CFLAR: variants seen among roughly 807,000 people sequenced by gnomAD.
The protein encoded by CFLAR is CASP8 and FADD-like apoptosis regulator.
A neutral mutation model predicts 51.1 loss-of-function variants in CFLAR; 14 were observed. The observed-to-expected ratio is 0.27, with a 90% CI of 0.18 to 0.43. The LOEUF is 0.43. Among genes scored for constraint, CFLAR ranks in the 20% least tolerant of loss-of-function variants. The probability of loss-of-function intolerance (pLI) is 1.00; values close to 1 mark genes in which losing one functional copy is unlikely to be tolerated. For missense variants in CFLAR, 390 were observed against 566.5 expected, an observed-to-expected ratio of 0.69 and a Z score of 3.16; for synonymous variants, 210 against 211.6, an observed-to-expected ratio of 0.99 and a Z score of 0.06.
At chr2:201,137,160 C>G (rs1290310394) in intron 4 of CFLAR, 1 of 188,798 alleles carries the variant, frequency 5.3e-6, no homozygotes, top group African/African-American at 2.4e-5. Flanking sequence ...GGGCTGGGGA[C>G]AGGGAGGTGC....
chr2:201,128,851 A>G (rs1444616292), intron 1 of CFLAR, among the ~76,000 whole-genome samples: 1 of 152,250 alleles, frequency 6.6e-6, no homozygotes, highest in Middle Eastern at 3.2e-3. Context: ...GAAAGAAAAT[A>G]GGATGAGTTT....
intron 1 of CFLAR, among the ~76,000 whole-genome samples, chr2:201,125,231 A>G (rs2048567263): frequency 6.6e-6 from 1 of 152,072 alleles, no homozygotes; most frequent in South Asian, 2.1e-4. Context: ...GTGGCTGTGT[A>G]GAGGAGATGG....
At chr2:201,152,623 C>T (rs1193900173) in intron 8 of CFLAR, among the ~76,000 whole-genome samples, 1 of 152,188 alleles carries the variant, frequency 6.6e-6, no homozygotes, top group Non-Finnish European at 1.5e-5. Flanking sequence ...GGCACTGAGG[C>T]CTGCCCTAGG....
intron 4 of CFLAR, chr2:201,136,500 T>TA: frequency 3.8e-6 from 6 of 1,578,542 alleles, no homozygotes; most frequent in Non-Finnish European, 5.1e-6. Flanking sequence ...TTGGGTCTCA[T>TA]ACCTTCCTTG....
Position 201,160,795 on chromosome 2 carries a change from A to G in CFLAR, c.1157A>G (p.Lys386Arg), listed in dbSNP as rs1313510351. ...DGPAMKNVEFKAQKRGLCTVH... is the reference protein window; with the variant it reads ...DGPAMKNVEFRAQKRGLCTVH... ...CCAGCGATGAAGAATGTGGAATTCA[A>G]GGCTCAGAAGCGAGGGCTGTGCACA... The change falls in exon 9 of 10, where the codon AAG (lysine) becomes AGG (arginine). Residue 386 changes from lysine to arginine, a missense_variant. By Grantham distance (26) the Lys-to-Arg change is conservative. Coordinates refer to ENST00000309955, the MANE Select transcript of CFLAR (RefSeq NM_003879.7). 1.2e-6 allele frequency: 2 copies of G among 1,614,126 alleles called. No homozygotes were observed. Among genetic ancestry groups the G allele is most frequent in the East Asian group, 2.2e-5 (1 of 44,882 alleles).
intron 5 of CFLAR, 27 bp from the exon 6 acceptor site, chr2:201,145,351 G>A (rs1174148845): frequency 2.8e-6 from 4 of 1,439,346 alleles, no homozygotes; most frequent in East Asian, 4.5e-5. Flanking sequence ...CTAACAGGAA[G>A]TATGACCTTA....
chr2:201,133,150 T>C lies in CFLAR; in HGVS notation c.387+16T>C. ...CAAGGAGAAGGTGAGTTTTCTTCTT[T>C]TGGTTCATGGCCCCAGGAGCCTATC... On this transcript the variant is annotated intron_variant, in intron 3 of 9. Coordinates refer to ENST00000309955, the MANE Select transcript of CFLAR (RefSeq NM_003879.7). 6.3e-7 allele frequency: 1 copy of C among 1,598,716 alleles called. No individual in the cohort carries two copies. Among genetic ancestry groups the C allele is most frequent in the Non-Finnish European group, 8.6e-7 (1 of 1,166,674 alleles).
chr2:201,155,241 C>T (rs903454363), intron 8 of CFLAR, among the ~76,000 whole-genome samples: 27 of 151,480 alleles, frequency 1.8e-4, no homozygotes, highest in Non-Finnish European at 3.5e-4. Flanking sequence ...AAATAAAAGA[C>T]GATGTTTGCA....
At chr2:201,162,276 G>A (rs113482206) in intron 9 of CFLAR, among the ~76,000 whole-genome samples, 2,370 of 151,486 alleles carry the variant, frequency 0.016, 71 homozygotes, top group African/African-American at 0.054. Context: ...GCTAATTTTT[G>A]TATTTTTAGT....
intron 8 of CFLAR, among the ~76,000 whole-genome samples, chr2:201,158,933 A>G (rs1364208471): frequency 1.3e-5 from 2 of 151,550 alleles, no homozygotes; most frequent in African/African-American, 2.4e-5. Context: ...GCTGGAGTGC[A>G]GTGGCGCAAT....
At position 201,129,737 on chromosome 2, in the gene CFLAR, C is replaced by T. The variant is rs944443845; in HGVS notation, c.-129C>T. On this transcript the variant is annotated 5_prime_UTR_variant, in exon 2 of 10. Coordinates refer to ENST00000309955, the MANE Select transcript of CFLAR (RefSeq NM_003879.7). The stretch of plus-strand genomic sequence containing the variant: ...TTCCCTTTTAACCACAGAACTCCCC[C>T]ACTGGAAAGGATTCTGAAAGAAATG... The T allele has an allele frequency of 8.4e-6, 7 of 838,086 alleles. No homozygotes were observed. The African/African-American group carries it at 1.0e-4, about 12-fold the overall frequency. 51.9% of individuals were successfully genotyped at this position (838,086 alleles called of 1,614,324 possible). A position where few individuals can be genotyped will look rare whatever the true frequency, so the allele number is the denominator to read the frequency against.
rs118157939 is a variant in CFLAR at position 201,154,874 on chromosome 2, A to G, written c.793+5039A>G. On this transcript the variant is annotated intron_variant, in intron 8 of 9. Transcript: ENST00000309955. ...CCTGTGTGAAGCAAATATTAAGGCA[A>G]TGAGGTGGAGTCTGATCTCAGAGCT... is the stretch of plus-strand genomic sequence containing the variant. 4.7e-4 allele frequency among the ~76,000 whole-genome samples: 71 copies of G among 152,400 alleles called. 1 individual carries two copies. The East Asian group carries it at 0.012, about 26-fold the overall frequency.
chr2:201,163,674 T>C (rs1193209912), intron 9 of CFLAR, 161 bp from the exon 10 acceptor site: 2 of 1,427,450 alleles, frequency 1.4e-6, no homozygotes, highest in Admixed American at 5.8e-5. Flanking sequence ...CAGGCCAGAG[T>C]ATTGCAAGTT....
In CFLAR at chr2:201,167,987, T is replaced by C. The variant is rs1334442620; in HGVS notation, c.*4014T>C. 1.3e-5 allele frequency: 2 copies of C among 152,412 alleles called. No homozygotes were observed. Among genetic ancestry groups the C allele is most frequent in the East Asian group, 3.9e-4 (2 of 5,184 alleles). The allele number at this position is 152,412 out of a possible 1,614,324, so 9.4% of individuals were successfully genotyped here. ...GGCCGGGTGCGGTGGCTCACGCCTATAATCCCAGCCCTTTGGGAGGCCAAG... is the reference window on the plus strand; with the variant it reads ...GGCCGGGTGCGGTGGCTCACGCCTACAATCCCAGCCCTTTGGGAGGCCAAG... On this transcript the variant is annotated 3_prime_UTR_variant, in exon 10 of 10. Transcript: ENST00000309955.
intron 4 of CFLAR, chr2:201,136,582 C>T: frequency 4.8e-6 from 7 of 1,450,892 alleles, no homozygotes; most frequent in Non-Finnish European, 6.3e-6. Flanking sequence ...ATAAAAGGGA[C>T]CAGATTCACA....
intron 3 of CFLAR, among the ~76,000 whole-genome samples, chr2:201,135,261 A>G (rs890087213): frequency 6.6e-6 from 1 of 152,204 alleles, no homozygotes; most frequent in Non-Finnish European, 1.5e-5. Flanking sequence ...GATTTTTCTC[A>G]TAAAGTCTTT....
chr2:201,163,529 C>T, intron 9 of CFLAR: 1 of 1,173,730 alleles, frequency 8.5e-7, no homozygotes, highest in Non-Finnish European at 1.1e-6. Flanking sequence ...AAGATAGATA[C>T]TCCATGGGCC....
intron 5 of CFLAR, among the ~76,000 whole-genome samples, chr2:201,143,862 C>T (rs1262275464): frequency 3.3e-5 from 5 of 151,526 alleles, no homozygotes; most frequent in Admixed American, 6.6e-5. Context: ...CTCTGGAGGC[C>T]GAGGCAGGAG....
At chr2:201,132,583 TC>T (rs1289362305) in intron 2 of CFLAR, among the ~76,000 whole-genome samples, 1 of 152,068 alleles carries the variant, frequency 6.6e-6, no homozygotes, top group Non-Finnish European at 1.5e-5. Context: ...CTCAGGTATT[TC>T]TTTCCTTTAG....
Sources: gnomAD v4.1 joint callset for allele counts (sites outside exome capture counted in the v4.1 genomes callset) on GRCh38, gnomAD v4.1.1 for gene constraint, MANE v1.5 for transcripts, NCBI Gene and HGNC (gene_info 2026-07-23, HGNC 2026-07-21) for gene names.